MEST: variants seen among roughly 807,000 people sequenced by gnomAD.
MEST encodes mesoderm-specific transcript homolog protein.
In MEST, 18 loss-of-function variants were observed where a neutral mutation model predicts 50.9. That is an observed-to-expected ratio of 0.35 (90% CI 0.24 to 0.52). The LOEUF is 0.52. Among genes scored for constraint, MEST ranks in the 20% least tolerant of loss-of-function variants. The pLI, the probability that MEST is intolerant of heterozygous loss-of-function variation, is 0.94. For synonymous variants in MEST, 130 were observed against 154.1 expected (o/e 0.84, Z 1.16); for missense variants, 282 against 425.3 (o/e 0.66, Z 2.96).
upstream of MEST, chr7:130,491,421 A>C (rs1484726445): frequency 6.6e-6 from 1 of 152,346 alleles, no homozygotes; most frequent in Non-Finnish European, 1.5e-5. The surrounding 1 kb of genome is among the most constrained non-coding windows in gnomAD (Gnocchi z 6.8). Context: ...CTGGAGCGGG[A>C]GAAACCGGAC....
At chr7:130,498,882 A>G in intron 6 of MEST, 1 of 193,102 alleles carries the variant, frequency 5.2e-6, no homozygotes, top group Non-Finnish European at 1.1e-5. Flanking sequence ...GTAGGATTGA[A>G]GATACAGAAA....
intron 9 of MEST, among the ~76,000 whole-genome samples, chr7:130,502,293 C>T (rs1023529802): frequency 9.2e-5 from 14 of 152,168 alleles, no homozygotes; most frequent in African/African-American, 3.4e-4. Context: ...ATGTTTGAGT[C>T]AGAGAGGTAG....
In MEST at chr7:130,492,189, GCCGC is replaced by G. The variant is rs1798845875; in HGVS notation, c.-122_-119del. ...AGTGGCTGTAGCTGCCCGGCGCGGC[GCCGC>G]CCTGCGCGGGCTGTGGGCTGCGGGC... On this transcript the variant is annotated 5_prime_UTR_variant, in exon 1 of 12. Coordinates refer to ENST00000223215, the MANE Select transcript of MEST (RefSeq NM_002402.4). The surrounding 1 kb of genome is among the most constrained non-coding windows in gnomAD (Gnocchi z 7.6). The G allele has an allele frequency of 5.2e-6, 4 of 762,890 alleles. No individual in the cohort carries two copies. In the South Asian group the frequency reaches 1.9e-4, roughly 37 times the overall value. The allele number at this position is 762,890 out of a possible 1,614,324, so 47.3% of individuals were successfully genotyped here.
chr7:130,499,830 A>T, intron 6 of MEST, 45 bp from the exon 7 acceptor site: 2 of 1,555,966 alleles, frequency 1.3e-6, no homozygotes, highest in Non-Finnish European at 1.7e-6. Context: ...AAAAAAAAAA[A>T]AATTAAAGCT....
At chr7:130,490,264 A>T (rs1025529407), upstream of MEST, among the ~76,000 whole-genome samples, 1 of 152,190 alleles carries the variant, frequency 6.6e-6, no homozygotes, top group Non-Finnish European at 1.5e-5. Flanking sequence ...TCTCTAGAAC[A>T]AATTCCTAAT....
intron 4 of MEST, 61 bp downstream of exon 4, chr7:130,498,074 T>C: frequency 1.9e-6 from 3 of 1,613,726 alleles, no homozygotes; most frequent in Non-Finnish European, 2.5e-6. Context: ...ACTATGAGGG[T>C]CAGGCTGGCA....
intron 6 of MEST, among the ~76,000 whole-genome samples, chr7:130,499,198 C>T (rs1329391486): frequency 6.6e-6 from 1 of 152,182 alleles, no homozygotes; most frequent in African/African-American, 2.4e-5. Flanking sequence ...CCTGATTAGA[C>T]TTTCTGGGTA....
intron 1 of MEST, 43 bp from the exon 2 acceptor site, chr7:130,495,325 A>G (rs202120793): frequency 1.3e-5 from 20 of 1,561,340 alleles, no homozygotes; most frequent in East Asian, 9.1e-5. Context: ...TGAGTGGACA[A>G]TGTTACCTGA....
Position 130,497,861 on chromosome 7 carries a change from C to T in MEST, c.262-75C>T. ...CTGTTAAGCCAAGATAGGGCTGAAG[C>T]TCCTGTGCAACTGTAGGTCTGGTGA... On this transcript the variant is annotated intron_variant, in intron 3 of 11. Coordinates refer to ENST00000223215, the MANE Select transcript of MEST (RefSeq NM_002402.4). The surrounding 1 kb of genome is among the most constrained non-coding windows in gnomAD (Gnocchi z 4.0). The T allele has an allele frequency of 1.5e-6, 2 of 1,349,122 alleles. No homozygotes were observed. Among genetic ancestry groups the T allele is most frequent in the Non-Finnish European group, 2.1e-6 (2 of 939,184 alleles). The allele number at this position is 1,349,122 out of a possible 1,614,324, so 83.6% of individuals were successfully genotyped here.
intron 6 of MEST, chr7:130,498,709 T>G (rs1258918082): frequency 1.4e-5 from 8 of 591,076 alleles, no homozygotes; most frequent in African/African-American, 3.7e-5. Context: ...ATAGTGACTT[T>G]ACTTACATAG....
chr7:130,496,451 A>C (rs1477284014), intron 2 of MEST: 3 of 310,924 alleles, frequency 9.6e-6, no homozygotes, highest in African/African-American at 7.0e-5. Context: ...CTTATTACCA[A>C]ATTTTCATGT....
Position 130,502,690 on chromosome 7 carries a change from G to C in MEST, c.796G>C (p.Val266Leu). ...GAGGAAGAAGTTCAGAAGGCGCTGG[G>C]TGGGAGCTCTTGCCTCTGTAACTAT... ...NQRKKFRRRW[V>L]GALASVTIPI... The change falls in exon 10 of 12, where the codon GTG becomes CTG. Residue 266 changes from valine (V) to leucine (L), a missense_variant. Val to Leu is a conservative substitution (Grantham distance 32). Coordinates refer to ENST00000223215, the MANE Select transcript of MEST (RefSeq NM_002402.4). 6.2e-7 allele frequency: 1 copy of C among 1,613,926 alleles called. No homozygotes were observed. The highest frequency in any genetic ancestry group is 1.1e-5 in the South Asian group (1 of 91,076).
At position 130,497,619 on chromosome 7, in the gene MEST, A is replaced by C. The variant is rs577031332; in HGVS notation, c.262-317A>C. ...TCAAGGATTTTGTTGTCAGCACCAG[A>C]AGGCTCTTGCACATTTGAATTGCTT... On this transcript the variant is annotated intron_variant, in intron 3 of 11. Transcript: ENST00000223215. The surrounding 1 kb of genome is among the most constrained non-coding windows in gnomAD (Gnocchi z 4.0). 15 of 308,596 alleles carry C rather than the reference A, an allele frequency of 4.9e-5. No homozygotes were observed. The highest frequency in any genetic ancestry group is 2.8e-4 in the African/African-American group (13 of 46,332). 19.1% of individuals were successfully genotyped at this position (308,596 alleles called of 1,614,324 possible).
Position 130,497,170 on chromosome 7 carries a change from GT to G in MEST, c.198del (p.Gly67GlufsTer5). On this transcript the variant is annotated frameshift_variant, in exon 3 of 12. Transcript: ENST00000223215. LOFTEE classifies it high-confidence loss of function. The surrounding 1 kb of genome is among the most constrained non-coding windows in gnomAD (Gnocchi z 4.0). ...RIFYQDSVGV[V>X]GSPEIVVLLH... ...CTTCTTCCTAGACTCTGTGGGTGTG[GT>G]TGGAAGTCCAGAGATAGTTGTGCTT... The G allele has an allele frequency of 6.2e-7, 1 of 1,612,828 alleles. No individual in the cohort carries two copies.
At position 130,492,942 on chromosome 7, in the gene MEST, C is replaced by T. The variant is rs574777342; in HGVS notation, c.26+603C>T. Among the ~76,000 whole-genome samples, 101 of 152,162 alleles carry T rather than the reference C, an allele frequency of 6.6e-4. No individual in the cohort carries two copies. Among genetic ancestry groups the T allele is most frequent in the Non-Finnish European group, 1.3e-3 (87 of 68,008 alleles). ...TCTGGTGCGACTTAAAGGATAGGCC[C>T]CAGCATCGCCCTGGTGCGATGTAGG... On this transcript the variant is annotated intron_variant, in intron 1 of 11. Transcript: ENST00000223215. The surrounding 1 kb of genome is among the most constrained non-coding windows in gnomAD (Gnocchi z 7.6).
At chr7:130,494,008 G>A (rs1449731067) in intron 1 of MEST, among the ~76,000 whole-genome samples, 1 of 152,088 alleles carries the variant, frequency 6.6e-6, no homozygotes, top group African/African-American at 2.4e-5. Context: ...TCCGTCTTAT[G>A]GACAGGTACT....
At position 130,498,492 on chromosome 7, in the gene MEST, G is replaced by A. The variant is rs782403879; in HGVS notation, c.535+15G>A. The stretch of plus-strand genomic sequence containing the variant: ...GTCAAATGGAGGTAATTGCCTTGGC[G>A]GTAGGTAGAAAGTGGGTGTAATCTA... On this transcript the variant is annotated intron_variant, in intron 6 of 11. Coordinates refer to ENST00000223215, the MANE Select transcript of MEST (RefSeq NM_002402.4). The A allele has an allele frequency of 6.8e-6, 11 of 1,613,382 alleles. No homozygotes were observed. The highest frequency in any genetic ancestry group is 4.5e-5 in the East Asian group (2 of 44,882).
Position 130,505,903 on chromosome 7 carries a change from G to A in MEST, c.*847G>A, listed in dbSNP as rs1469345546. On this transcript the variant is annotated 3_prime_UTR_variant, in exon 12 of 12. Transcript: ENST00000223215. Reference sequence around the variant, plus strand: ...AGTCTGAGACTCCTCATACCTCAGTGGTTAGAAGCATGTCTCTCTTGAGCT... The same window carrying A: ...AGTCTGAGACTCCTCATACCTCAGTAGTTAGAAGCATGTCTCTCTTGAGCT... 4 of 152,280 alleles carry A rather than the reference G, an allele frequency of 2.6e-5. No homozygotes were observed. Among genetic ancestry groups the A allele is most frequent in the African/African-American group, 9.6e-5 (4 of 41,454 alleles). 9.4% of individuals were successfully genotyped at this position (152,280 alleles called of 1,614,324 possible).
chr7:130,495,759 G>T, intron 2 of MEST: 8 of 344,114 alleles, frequency 2.3e-5, no homozygotes, highest in South Asian at 1.2e-4. Context: ...TTTGTAGCTT[G>T]ATATGTATTC....
Sources: gnomAD v4.1 joint callset for allele counts (sites outside exome capture counted in the v4.1 genomes callset) on GRCh38, gnomAD v4.1.1 for gene constraint, Gnocchi (gnomAD v3.1) non-coding constraint, MANE v1.5 for transcripts, NCBI Gene and HGNC (gene_info 2026-07-23, HGNC 2026-07-21) for gene names.